Variants in ERBB2 observed in about 807,000 individuals in gnomAD.
The protein encoded by ERBB2 is erb-b2 receptor tyrosine kinase 2, also known as receptor tyrosine-protein kinase erbB-2.
A neutral mutation model predicts 149.0 loss-of-function variants in ERBB2; 61 were observed. That is an observed-to-expected ratio of 0.41 (90% CI 0.33 to 0.51). The LOEUF is 0.51. ERBB2 is among the 20% of genes least tolerant of loss of function. ERBB2 has a pLI of 0.25. For synonymous variants in ERBB2, 633 were observed against 678.8 expected (o/e 0.93, Z 1.05); for missense variants, 1,205 against 1,655.1 (o/e 0.73, Z 4.72).
In ERBB2 at chr17:39,710,085, G is replaced by T; in HGVS notation, c.644-1G>T. 1 of 1,604,666 alleles carries T rather than the reference G, an allele frequency of 6.2e-7. No homozygotes were observed. ...CCCTCATCCTGCCCTTTGCCCAACAGTGACGCGCACTGTCTGTGCCGGTGG... is the reference window on the plus strand; with the variant it reads ...CCCTCATCCTGCCCTTTGCCCAACATTGACGCGCACTGTCTGTGCCGGTGG... On this transcript the variant is annotated splice_acceptor_variant, in intron 5 of 26. Coordinates refer to ENST00000269571, the MANE Select transcript of ERBB2 (RefSeq NM_004448.4). LOFTEE classifies it high-confidence loss of function.
intron 7 of ERBB2, among the ~76,000 whole-genome samples, chr17:39,711,137 C>T (rs531748886): frequency 4.0e-5 from 6 of 151,058 alleles, no homozygotes; most frequent in African/African-American, 1.5e-4. Flanking sequence ...TGACTTCAGG[C>T]GATCCACCTG....
chr17:39,712,184 C>A, intron 8 of ERBB2, 137 bp downstream of exon 8: 1 of 1,514,622 alleles, frequency 6.6e-7, no homozygotes, highest in Non-Finnish European at 9.1e-7. Flanking sequence ...TACCCCTGGC[C>A]CCCCTCAGCC....
chr17:39,708,041 G>C, intron 2 of ERBB2: 1 of 352,902 alleles, frequency 2.8e-6, no homozygotes, highest in South Asian at 6.0e-5. Flanking sequence ...CCAGGCCTTT[G>C]CTTTCACTGA....
rs995161531 is a variant in ERBB2 at position 39,723,767 on chromosome 17, G to T, written c.2208+107G>T. ...GGGGCAAGAGCTGGAGGCAGTGTTT[G>T]GGGGAGGGCAGTTACAGCGGAGAAG... On this transcript the variant is annotated intron_variant, in intron 18 of 26. Coordinates refer to ENST00000269571, the MANE Select transcript of ERBB2 (RefSeq NM_004448.4). The surrounding 1 kb of genome is among the most constrained non-coding windows in gnomAD (Gnocchi z 6.2). 3.0e-5 allele frequency: 45 copies of T among 1,520,436 alleles called. No individual in the cohort carries two copies. The highest frequency in any genetic ancestry group is 4.0e-5 in the Non-Finnish European group (45 of 1,122,200). The allele number at this position is 1,520,436 out of a possible 1,614,324, so 94.2% of individuals were successfully genotyped here.
intron 15 of ERBB2, 168 bp downstream of exon 15, chr17:39,717,648 T>C: frequency 3.4e-6 from 2 of 582,230 alleles, no homozygotes; most frequent in South Asian, 5.7e-5. Context: ...TATAAATTAA[T>C]GCCCTAGCAG....
At chr17:39,717,202 G>A (rs1369479379) in intron 14 of ERBB2, 118 bp from the exon 15 acceptor site, 6 of 790,144 alleles carry the variant, frequency 7.6e-6, no homozygotes, top group Middle Eastern at 7.9e-4. Flanking sequence ...CAGGAGCATG[G>A]CGAAAATTGC....
upstream of ERBB2, among the ~76,000 whole-genome samples, chr17:39,691,036 CAAAA>C (rs753360328): frequency 6.2e-5 from 5 of 80,492 alleles, no homozygotes; most frequent in African/African-American, 1.9e-4. Context: ...AACTCCGTTT[CAAAA>C]AAAAAAAAAA....
chr17:39,705,946 C>A (rs375519229), intron 1 of ERBB2, among the ~76,000 whole-genome samples: 8 of 152,202 alleles, frequency 5.3e-5, no homozygotes, highest in African/African-American at 1.9e-4. Flanking sequence ...CAAGACACGC[C>A]AGGTGATTCA....
At chr17:39,724,334 G>A (rs947490800) in intron 19 of ERBB2, among the ~76,000 whole-genome samples, 2 of 135,740 alleles carry the variant, frequency 1.5e-5, no homozygotes, top group African/African-American at 2.7e-5. Flanking sequence ...GAAATGGTGC[G>A]GTCTCAGCTC....
chr17:39,697,482 G>A (rs887210543), upstream of ERBB2, among the ~76,000 whole-genome samples: 2 of 149,900 alleles, frequency 1.3e-5, no homozygotes, highest in South Asian at 2.1e-4. Context: ...CAGCCTTCCC[G>A]AGTAGCTGGG....
intron 3 of ERBB2, 176 bp from the exon 4 acceptor site, chr17:39,709,142 G>C (rs1279264452): frequency 1.4e-6 from 1 of 701,256 alleles, no homozygotes. Context: ...CTTTGTTCTT[G>C]TTGCGGGTGT....
intron 5 of ERBB2, 96 bp downstream of exon 5, chr17:39,709,977 A>T: frequency 2.0e-6 from 3 of 1,504,358 alleles, no homozygotes; most frequent in Non-Finnish European, 2.8e-6. Flanking sequence ...GTGGGATAAC[A>T]GGCTTGGGAT....
chr17:39,694,345 A>T (rs1281104915), upstream of ERBB2, among the ~76,000 whole-genome samples: 1 of 142,376 alleles, frequency 7.0e-6, no homozygotes, highest in African/African-American at 2.6e-5. Context: ...GTATATATAA[A>T]ATAAAATAAA....
rs373097759 is a variant in ERBB2, at chr17:39,706,978, C to T, written c.74-12C>T. The T allele has an allele frequency of 1.3e-5, 20 of 1,560,746 alleles. No individual in the cohort carries two copies. The highest frequency in any genetic ancestry group is 1.7e-5 in the Non-Finnish European group (20 of 1,151,958). ...GCCAGTGTCCTCTGACCCATCTGCT[C>T]TCTCCTGCCAGTGTGCACCGGCACA... On this transcript the variant is annotated splice_polypyrimidine_tract_variant and intron_variant, in intron 1 of 26. Coordinates refer to ENST00000269571, the MANE Select transcript of ERBB2 (RefSeq NM_004448.4).
chr17:39,708,331 A>C lies in ERBB2; in HGVS notation c.236A>C (p.Glu79Ala), dbSNP rs61737968. The change falls in exon 3 of 27, where the codon GAG (glutamate) becomes GCG (alanine). Residue 79 changes from glutamate to alanine, a missense_variant. Around this residue, in one of 6 missense-constraint regions of ERBB2, gnomAD observed 569 missense variants for 803.5 expected, o/e 0.71. Coordinates refer to ENST00000269571, the MANE Select transcript of ERBB2 (RefSeq NM_004448.4). Reference protein sequence around the residue: ...ASLSFLQDIQEVQGYVLIAHN... With the variant: ...ASLSFLQDIQAVQGYVLIAHN... Reference sequence around the variant, plus strand: ...GCTTCCCCCTCCCAGGATATCCAGGAGGTGCAGGGCTACGTGCTCATCGCT... The same window carrying C: ...GCTTCCCCCTCCCAGGATATCCAGGCGGTGCAGGGCTACGTGCTCATCGCT... The C allele has an allele frequency of 5.6e-4, 907 of 1,613,058 alleles. 2 individuals are homozygous for C. The African/African-American group carries it at 0.01, about 18-fold the overall frequency.
At chr17:39,716,002 C>T (rs2145664661) in intron 12 of ERBB2, 63 bp downstream of exon 12, 1 of 1,510,804 alleles carries the variant, frequency 6.6e-7, no homozygotes, top group Non-Finnish European at 9.0e-7. Context: ...GCCCAGGGGG[C>T]CCTGGCAGCA....
chr17:39,700,604 CGCAAA>C, intron 1 of ERBB2, among the ~76,000 whole-genome samples: 1 of 152,340 alleles, frequency 6.6e-6, no homozygotes, highest in Admixed American at 6.5e-5. Context: ...AAAGTTTTCC[CGCAAA>C]GGGTGTATTG....
chr17:39,719,689 G>T, intron 15 of ERBB2, 98 bp from the exon 16 acceptor site: 1 of 1,231,534 alleles, frequency 8.1e-7, no homozygotes, highest in South Asian at 1.2e-5. Context: ...TGGGGATAAT[G>T]ACCCAGCCAC....
At chr17:39,692,966 G>A (rs2057747241), upstream of ERBB2, among the ~76,000 whole-genome samples, 1 of 152,162 alleles carries the variant, frequency 6.6e-6, no homozygotes, top group South Asian at 2.1e-4. Context: ...GGAGGCTGAG[G>A]TGGGAGACTT....
Sources: allele counts gnomAD v4.1 joint callset (sites outside exome capture counted in the v4.1 genomes callset), GRCh38; gene constraint gnomAD v4.1.1; regional missense constraint gnomAD v4.1.1; non-coding constraint Gnocchi (gnomAD v3.1); transcripts MANE v1.5; gene names NCBI Gene and HGNC (gene_info 2026-07-23, HGNC 2026-07-21).